GID4: variants seen among roughly 807,000 people sequenced by gnomAD.
GID4 encodes the protein GID complex subunit 4 homolog.
GID4 carries 7 observed loss-of-function variants against 32.4 expected under a neutral mutation model. That is an observed-to-expected ratio of 0.22 (90% CI 0.12 to 0.41). The LOEUF (loss-of-function observed/expected upper bound fraction) is 0.41, where lower values mean the gene tolerates loss of function less well. Ranked by LOEUF, GID4 falls within the 10% of genes least tolerant of loss-of-function variation. GID4 has a pLI of 1.00. For missense variants in GID4, 309 were observed against 400.0 expected (o/e 0.77, Z 1.94); for synonymous variants, 166 against 170.0 (o/e 0.98, Z 0.18).
intron 2 of GID4, 107 bp from the exon 3 acceptor site, chr17:18,054,020 G>C: frequency 1.8e-6 from 1 of 571,390 alleles, no homozygotes. Flanking sequence ...TCAGGTAGCA[G>C]TGTCTAGGTA....
At chr17:18,057,128 T>C in intron 3 of GID4, 1 of 1,418,574 alleles carries the variant, frequency 7.0e-7, no homozygotes, top group Non-Finnish European at 9.4e-7. Flanking sequence ...TCAGTCTACA[T>C]AGGATAAAAA....
At chr17:18,055,139 C>T (rs925148522) in intron 3 of GID4, among the ~76,000 whole-genome samples, 7 of 150,728 alleles carry the variant, frequency 4.6e-5, no homozygotes, top group Non-Finnish European at 1.0e-4. Flanking sequence ...CCACTGCGCT[C>T]CAGCCTGAGC....
chr17:18,039,491 G>A lies in GID4; in HGVS notation c.27G>A (p.Arg9=), dbSNP rs1469625612. The A allele has an allele frequency of 7.5e-7, 1 of 1,334,616 alleles. No individual in the cohort carries two copies. The highest frequency in any genetic ancestry group is 1.5e-5 in the African/African-American group (1 of 64,998). 82.7% of individuals were successfully genotyped at this position (1,334,616 alleles called of 1,614,324 possible). ...TGTGTGCGCGAGGGCAAGTCGGGAG[G>A]GGGACCCAGCTCAGGACTGGGAGGC... MCARGQVG[R]GTQLRTGRPC... is the part of the protein sequence containing the mutation. Residue 9 remains arginine (R), a synonymous_variant, in exon 1 of 6, where the codon AGG becomes AGA. Coordinates refer to ENST00000268719, the MANE Select transcript of GID4 (RefSeq NM_024052.5). This position sits in a 1 kb window ranked among gnomAD's most constrained non-coding sequence, Gnocchi z 5.3.
rs748023261 is a variant in GID4, at chr17:18,054,177, A to G, written c.549A>G (p.Lys183=). 9.3e-6 allele frequency: 15 copies of G among 1,613,358 alleles called. No individual in the cohort carries two copies. Among genetic ancestry groups the G allele is most frequent in the African/African-American group, 1.3e-5 (1 of 74,922 alleles). ...TFFEGEIISK[K]HPFLTRKWDA... ...TCGAAGGAGAAATAATCAGCAAAAA[A>G]CACCCTTTCTTAACTCGCAAGTGGG... Residue 183 remains lysine, a synonymous_variant, in exon 3 of 6, where the codon AAA becomes AAG. Transcript: ENST00000268719.
At chr17:18,040,048 C>A in intron 1 of GID4, 146 bp downstream of exon 1, 1 of 1,131,784 alleles carries the variant, frequency 8.8e-7, no homozygotes, top group Non-Finnish European at 1.1e-6. Flanking sequence ...CGGGACCTTC[C>A]CAGCCTGTGT....
chr17:18,058,110 G>A (rs2044986655), intron 3 of GID4, among the ~76,000 whole-genome samples: 1 of 152,232 alleles, frequency 6.6e-6, no homozygotes, highest in African/African-American at 2.4e-5. Context: ...TGGGATTACA[G>A]GCGTGAGCCC....
chr17:18,042,921 G>A (rs556662616), intron 1 of GID4, among the ~76,000 whole-genome samples: 1 of 152,246 alleles, frequency 6.6e-6, no homozygotes, highest in South Asian at 2.1e-4. Flanking sequence ...TGTTTTTGTT[G>A]TTGTTGTTGT....
intron 3 of GID4, among the ~76,000 whole-genome samples, chr17:18,057,938 A>G (rs538459347): frequency 3.6e-4 from 54 of 151,682 alleles, no homozygotes; most frequent in African/African-American, 1.3e-3. Flanking sequence ...GGTTCACGCC[A>G]TTCTCCTCCT....
intron 2 of GID4, among the ~76,000 whole-genome samples, chr17:18,045,854 T>C (rs1216296024): frequency 7.0e-6 from 1 of 143,084 alleles, no homozygotes; most frequent in African/African-American, 2.6e-5. Flanking sequence ...AAGATCACCA[T>C]GCACTCCAAC....
intron 1 of GID4, among the ~76,000 whole-genome samples, chr17:18,044,580 G>A (rs1219982025): frequency 6.6e-6 from 1 of 152,164 alleles, no homozygotes; most frequent in Non-Finnish European, 1.5e-5. Context: ...GTTCATAACT[G>A]AAGTTTATAC....
At chr17:18,040,890 A>AAG (rs775381721) in intron 1 of GID4, among the ~76,000 whole-genome samples, 1 of 152,088 alleles carries the variant, frequency 6.6e-6, no homozygotes, top group Non-Finnish European at 1.5e-5. Flanking sequence ...ATTCCTGAAT[A>AAG]CCTGCTGCCA....
intron 4 of GID4, among the ~76,000 whole-genome samples, chr17:18,059,981 G>T (rs1320047079): frequency 6.6e-6 from 1 of 151,282 alleles, no homozygotes; most frequent in African/African-American, 2.4e-5. Context: ...AGCTACTCAG[G>T]AGGCTAAGGC....
intron 5 of GID4, among the ~76,000 whole-genome samples, chr17:18,063,762 A>G (rs1322339942): frequency 1.3e-5 from 2 of 151,754 alleles, no homozygotes; most frequent in Non-Finnish European, 2.9e-5. Context: ...TTTTTTTTGA[A>G]ACAAAGTCTC....
chr17:18,041,769 TACTGCAGCA>T (rs1274135110), intron 1 of GID4, among the ~76,000 whole-genome samples: 1 of 152,248 alleles, frequency 6.6e-6, no homozygotes, highest in Non-Finnish European at 1.5e-5. Flanking sequence ...CTGCTTTGGC[TACTGCAGCA>T]ACTGCTGCTC....
At chr17:18,050,024 T>C (rs1017209220) in intron 2 of GID4, among the ~76,000 whole-genome samples, 10 of 152,244 alleles carry the variant, frequency 6.6e-5, no homozygotes, top group African/African-American at 2.4e-4. Context: ...TAACGGCCTC[T>C]AGCTCTACCC....
At chr17:18,053,009 C>CT (rs71155312) in intron 2 of GID4, among the ~76,000 whole-genome samples, 77,885 of 83,392 alleles carry the variant, frequency 0.93, 36,496 homozygotes, top group South Asian at 0.97. Context: ...AAAGTATTTA[C>CT]TTTTTTTTTT....
At chr17:18,044,789 C>T (rs755922419) in intron 1 of GID4, among the ~76,000 whole-genome samples, 2 of 152,160 alleles carry the variant, frequency 1.3e-5, no homozygotes, top group African/African-American at 4.8e-5. Flanking sequence ...ACCACGTGTA[C>T]AGGCAGAGAC....
intron 2 of GID4, among the ~76,000 whole-genome samples, chr17:18,047,139 C>T (rs2145554224): frequency 6.6e-6 from 1 of 152,250 alleles, no homozygotes; most frequent in African/African-American, 2.4e-5. Context: ...GATTAAGGAT[C>T]TCCTATGAAG....
chr17:18,054,225 G>A lies in GID4; in HGVS notation c.597G>A (p.Arg199=). 2 of 1,597,206 alleles carry A rather than the reference G, an allele frequency of 1.3e-6. No individual in the cohort carries two copies. The highest frequency in any genetic ancestry group is 1.7e-6 in the Non-Finnish European group (2 of 1,165,006). The change falls in exon 3 of 6, where the codon CGG becomes CGA. Residue 199 remains arginine, a synonymous_variant. Transcript: ENST00000268719. ...GGGATGCAGATGAAGATGTTGATCG[G>A]AAACACTGGGTGAGTAAATCTGATC... The part of the protein sequence containing the change: ...RKWDADEDVD[R]KHWGKFLAFY...
Sources: gnomAD v4.1 joint callset for allele counts (sites outside exome capture counted in the v4.1 genomes callset) on GRCh38, gnomAD v4.1.1 for gene constraint, Gnocchi (gnomAD v3.1) non-coding constraint, MANE v1.5 for transcripts, NCBI Gene and HGNC (gene_info 2026-07-23, HGNC 2026-07-21) for gene names.